Variants in TMEM135 observed in about 807,000 individuals in gnomAD.
TMEM135 encodes transmembrane protein 135.
Under a neutral mutation model 60.3 loss-of-function variants are expected in TMEM135, and 30 were observed. The ratio of observed to expected loss-of-function variants is 0.50; its 90% confidence interval spans 0.37 to 0.68. TMEM135 has a LOEUF of 0.68. Ranked by LOEUF, TMEM135 falls within the 30% of genes least tolerant of loss-of-function variation. TMEM135 has a pLI of 0.00. For missense variants in TMEM135, 468 were observed against 548.8 expected, an observed-to-expected ratio of 0.85 and a Z score of 1.47; for synonymous variants, 190 against 186.7, an observed-to-expected ratio of 1.02 and a Z score of -0.14.
intron 4 of TMEM135, among the ~76,000 whole-genome samples, chr11:87,130,934 C>CTT (rs750218106): frequency 0.053 from 7,537 of 142,642 alleles, 236 homozygotes; most frequent in Middle Eastern, 0.074. Flanking sequence ...TTACAGTTTT[C>CTT]TTTTTTTTTT....
Position 87,122,309 on chromosome 11 carries a change from GTTT to G in TMEM135, c.396+30931_396+30933del, listed in dbSNP as rs11367827. Among the ~76,000 whole-genome samples the G allele has an allele frequency of 2.2e-3, 239 of 110,358 alleles. 2 individuals carry two copies. Among genetic ancestry groups the G allele is most frequent in the African/African-American group, 7.3e-3 (222 of 30,212 alleles). The allele number at this position is 110,358 out of a possible 152,430, so 72.4% of individuals were successfully genotyped here. ...GACTGGCAGGTTTATGTTTTGCTAG[GTTT>G]TTTTTTTTTTTTTTTTGTCAAATCC... On this transcript the variant is annotated intron_variant, in intron 4 of 14. Transcript: ENST00000305494.
At chr11:87,173,257 G>A (rs571222236) in intron 5 of TMEM135, among the ~76,000 whole-genome samples, 1 of 152,280 alleles carries the variant, frequency 6.6e-6, no homozygotes, top group South Asian at 2.1e-4. Flanking sequence ...AGGAACTGGT[G>A]GCTTGTAAAA....
chr11:87,257,006 C>A (rs760760408), intron 6 of TMEM135, among the ~76,000 whole-genome samples: 1 of 152,034 alleles, frequency 6.6e-6, no homozygotes, highest in African/African-American at 2.4e-5. Context: ...TGATTATATG[C>A]CTTTGTATTT....
At chr11:87,161,264 A>G (rs1938870685) in intron 5 of TMEM135, among the ~76,000 whole-genome samples, 1 of 152,158 alleles carries the variant, frequency 6.6e-6, no homozygotes, top group Admixed American at 6.5e-5. Flanking sequence ...CATTAAAATT[A>G]ATGAATGAAC....
At chr11:87,059,024 A>T (rs1949920615) in intron 1 of TMEM135, among the ~76,000 whole-genome samples, 1 of 150,586 alleles carries the variant, frequency 6.6e-6, no homozygotes, top group African/African-American at 2.4e-5. Context: ...TGCAACCTCC[A>T]CCTCCTGGGT....
intron 6 of TMEM135, among the ~76,000 whole-genome samples, chr11:87,292,497 G>A (rs973836009): frequency 2.0e-5 from 3 of 152,120 alleles, no homozygotes; most frequent in Non-Finnish European, 2.9e-5. Flanking sequence ...CAAATCCATA[G>A]AATAATGAGG....
At chr11:87,135,692 C>T (rs934871883) in intron 4 of TMEM135, among the ~76,000 whole-genome samples, 7 of 151,444 alleles carry the variant, frequency 4.6e-5, no homozygotes, top group African/African-American at 1.7e-4. Flanking sequence ...CAATTATATT[C>T]TCTTTAAGTA....
intron 4 of TMEM135, among the ~76,000 whole-genome samples, chr11:87,127,568 G>A (rs922295153): frequency 6.6e-5 from 10 of 152,118 alleles, no homozygotes; most frequent in African/African-American, 2.4e-4. Context: ...ATAGTATACT[G>A]GAAATCTATT....
chr11:87,205,795 CTT>C (rs1366033537), intron 5 of TMEM135, among the ~76,000 whole-genome samples: 2 of 152,148 alleles, frequency 1.3e-5, no homozygotes, highest in African/African-American at 2.4e-5. Context: ...TCTGTATCCT[CTT>C]GTTTTGAGTC....
intron 5 of TMEM135, among the ~76,000 whole-genome samples, chr11:87,213,976 C>G (rs1189500039): frequency 1.3e-5 from 2 of 152,176 alleles, no homozygotes; most frequent in Non-Finnish European, 2.9e-5. Flanking sequence ...CCTTTGCTTC[C>G]TTTAACATTC....
intron 3 of TMEM135, among the ~76,000 whole-genome samples, chr11:87,075,090 A>AC (rs1305612792): frequency 6.6e-6 from 1 of 151,924 alleles, no homozygotes; most frequent in Non-Finnish European, 1.5e-5. Context: ...CCAACCCCCG[A>AC]CCAGTAGCTG....
At chr11:87,185,913 C>CTTTTTTTTTTTTTTTTTTTTTTTTT (rs367985910) in intron 5 of TMEM135, among the ~76,000 whole-genome samples, 1 of 138,852 alleles carries the variant, frequency 7.2e-6, no homozygotes. Flanking sequence ...AGTTATCCTT[C>CTTTTTTTTTTTTTTTTTTTTTTTTT]TTTTTTTTTT....
rs112819216 is a variant in TMEM135, at chr11:87,319,449, G to T, written c.1244+72G>T. On this transcript the variant is annotated intron_variant, in intron 14 of 14. Transcript: ENST00000305494. ...CTTTTTGAGGGAATATTCTTTCAGT[G>T]GTAAAGTAGGTATTTATATATAAAT... The T allele has an allele frequency of 1.6e-5, 17 of 1,065,874 alleles. 2 individuals are homozygous for T. The highest frequency in any genetic ancestry group is 8.2e-5 in the African/African-American group (5 of 61,260). 66.0% of individuals were successfully genotyped at this position (1,065,874 alleles called of 1,614,324 possible).
intron 4 of TMEM135, among the ~76,000 whole-genome samples, chr11:87,099,141 T>C (rs555191343): frequency 3.6e-4 from 55 of 152,322 alleles, no homozygotes; most frequent in Admixed American, 9.1e-4. Context: ...TAGCACACGC[T>C]GTGTACTTCA....
At chr11:87,219,663 A>T (rs59448049) in intron 5 of TMEM135, among the ~76,000 whole-genome samples, 9,962 of 152,210 alleles carry the variant, frequency 0.065, 347 homozygotes, top group African/African-American at 0.087. Context: ...ATCTCTTCAA[A>T]TACAGGTGCA....
At chr11:87,162,381 C>G (rs536140360) in intron 5 of TMEM135, among the ~76,000 whole-genome samples, 1 of 152,134 alleles carries the variant, frequency 6.6e-6, no homozygotes, top group Non-Finnish European at 1.5e-5. Context: ...AGCCCTCCAA[C>G]GCCCGACAGG....
At position 87,326,355 on chromosome 11, in the gene TMEM135, A is replaced by G. The variant is rs1237456272; in HGVS notation, c.*5022A>G. The stretch of plus-strand genomic sequence containing the variant: ...TCACCCTGCATTACTACTTTCCTCC[A>G]TCCCTGAACTAGGACCAGTTAATTT... On this transcript the variant is annotated 3_prime_UTR_variant, in exon 15 of 15. Coordinates refer to ENST00000305494, the MANE Select transcript of TMEM135 (RefSeq NM_022918.4). 1 of 454,038 alleles carries G rather than the reference A, an allele frequency of 2.2e-6. No homozygotes were observed. Among genetic ancestry groups the G allele is most frequent in the East Asian group, 7.0e-5 (1 of 14,386 alleles). 28.1% of individuals were successfully genotyped at this position (454,038 alleles called of 1,614,324 possible). A position where few individuals can be genotyped will look rare whatever the true frequency, so the allele number is the denominator to read the frequency against.
intron 6 of TMEM135, among the ~76,000 whole-genome samples, chr11:87,293,174 G>GA (rs1168513414): frequency 6.6e-6 from 1 of 152,074 alleles, no homozygotes; most frequent in Non-Finnish European, 1.5e-5. Flanking sequence ...TCATCAGATG[G>GA]AAAAAGATAA....
At chr11:87,318,057 G>C (rs1181997940) in intron 12 of TMEM135, 80 bp from the exon 13 acceptor site, 20 of 1,062,856 alleles carry the variant, frequency 1.9e-5, no homozygotes, top group Non-Finnish European at 2.8e-5. Flanking sequence ...AAAGGTTGTA[G>C]GCAGGGAGCA....
Sources: allele counts gnomAD v4.1 joint callset (sites outside exome capture counted in the v4.1 genomes callset), GRCh38; gene constraint gnomAD v4.1.1; transcripts MANE v1.5; gene names NCBI Gene and HGNC (gene_info 2026-07-23, HGNC 2026-07-21).